Variants in STARD13 observed in about 807,000 individuals in gnomAD.
STARD13 encodes StAR related lipid transfer domain containing 13.
In STARD13, 62 loss-of-function variants were observed where a neutral mutation model predicts 106.4. The ratio of observed to expected loss-of-function variants is 0.58; its 90% CI spans 0.48 to 0.72. The LOEUF (loss-of-function observed/expected upper bound fraction) is 0.72. STARD13 is among the 30% of genes least tolerant of loss of function. STARD13 has a pLI of 0.00. For synonymous variants in STARD13, 565 were observed against 553.0 expected (o/e 1.02, Z -0.31); for missense variants, 1,387 against 1,424.0 (o/e 0.97, Z 0.42).
the STARD13 span, among the ~76,000 whole-genome samples, chr13:33,387,359 G>C: frequency 1.3e-5 from 2 of 152,090 alleles, no homozygotes; most frequent in East Asian, 3.9e-4. Flanking sequence ...TGACTAAAGT[G>C]GTTGTGCTTT....
the STARD13 span, among the ~76,000 whole-genome samples, chr13:33,584,627 G>A: frequency 6.6e-6 from 1 of 152,142 alleles, no homozygotes; most frequent in Non-Finnish European, 1.5e-5. Context: ...TGTCGAGCAT[G>A]TCTTTCTTTA....
At chr13:33,621,534 G>A in the STARD13 span, among the ~76,000 whole-genome samples, 2 of 151,560 alleles carry the variant, frequency 1.3e-5, no homozygotes, top group Non-Finnish European at 2.9e-5. Context: ...AAAGAAATTA[G>A]CCGGGTGTGG....
chr13:33,118,387 G>C (rs1875733768), intron 7 of STARD13, 124 bp from the exon 8 acceptor site: 2 of 767,580 alleles, frequency 2.6e-6, no homozygotes, highest in Admixed American at 1.9e-5. Context: ...TGAACTACTA[G>C]TATAGCTACT....
At chr13:33,456,532 G>C in the STARD13 span, among the ~76,000 whole-genome samples, 1 of 152,098 alleles carries the variant, frequency 6.6e-6, no homozygotes, top group Non-Finnish European at 1.5e-5. Flanking sequence ...GGAAGTCCAA[G>C]GTATCAGCAG....
At chr13:33,288,181 G>A (rs147823465), upstream of STARD13, among the ~76,000 whole-genome samples, 2 of 152,150 alleles carry the variant, frequency 1.3e-5, no homozygotes, top group African/African-American at 4.8e-5. Context: ...GGGGTGTCTG[G>A]TTCTGAAAAC....
At chr13:33,560,475 C>T in the STARD13 span, among the ~76,000 whole-genome samples, 1 of 150,894 alleles carries the variant, frequency 6.6e-6, no homozygotes, top group Non-Finnish European at 1.5e-5. Flanking sequence ...TCTAGGATGG[C>T]AAAATGACAT....
chr13:33,499,574 T>C, the STARD13 span, among the ~76,000 whole-genome samples: 2 of 68,778 alleles, frequency 2.9e-5, no homozygotes, highest in African/African-American at 1.1e-4. Context: ...CTTCTTCTTC[T>C]TCTTCTTCTT....
the STARD13 span, among the ~76,000 whole-genome samples, chr13:33,555,622 A>G: frequency 5.9e-5 from 9 of 152,274 alleles, no homozygotes; most frequent in Admixed American, 5.9e-4. Flanking sequence ...TTTTTGAGAG[A>G]ATGGATGGTG....
chr13:33,109,904 G>A lies in STARD13; in HGVS notation c.3016C>T (p.Pro1006Ser). 6.2e-7 allele frequency: 1 copy of A among 1,614,260 alleles called. No individual in the cohort carries two copies. The highest frequency in any genetic ancestry group is 2.2e-5 in the East Asian group (1 of 44,896). Residue 1006 changes from proline (P) to serine (S), a missense_variant, in exon 12 of 14, where the codon CCC becomes TCC. Coordinates refer to ENST00000336934, the MANE Select transcript of STARD13 (RefSeq NM_178006.4). The stretch of plus-strand genomic sequence containing the variant: ...ACCACAAAGTCTCTGGAAGGATGGG[G>A]AGCCATGCTGTTCAGCACATACTGG... ...IYQYVLNSMA[P>S]HPSRDFVVLR... is the part of the protein sequence containing the mutation.
At chr13:33,199,102 A>G (rs1471656215) in intron 1 of STARD13, among the ~76,000 whole-genome samples, 1 of 152,184 alleles carries the variant, frequency 6.6e-6, no homozygotes, top group Non-Finnish European at 1.5e-5. Flanking sequence ...GATCTTGAGC[A>G]TCTGTTTCCT....
At chr13:33,277,784 T>A (rs1290085740) in intron 1 of STARD13, 1 of 152,186 alleles carries the variant, frequency 6.6e-6, no homozygotes, top group Non-Finnish European at 1.5e-5. Context: ...GGAATGGTTG[T>A]ATTCTTGATG....
intron 7 of STARD13, among the ~76,000 whole-genome samples, chr13:33,119,209 G>A (rs927964890): frequency 2.0e-5 from 3 of 152,100 alleles, no homozygotes; most frequent in African/African-American, 7.2e-5. Flanking sequence ...AACTTTCCTG[G>A]GCACCCTGGC....
intron 3 of STARD13, 100 bp from the exon 4 acceptor site, chr13:33,142,473 G>T: frequency 1.9e-6 from 2 of 1,048,772 alleles, no homozygotes; most frequent in Non-Finnish European, 2.9e-6. Flanking sequence ...GAAACTGCAG[G>T]AACAACCAAT....
chr13:33,674,439 T>C, the STARD13 span, among the ~76,000 whole-genome samples: 3 of 152,258 alleles, frequency 2.0e-5, no homozygotes, highest in Non-Finnish European at 4.4e-5. Flanking sequence ...ATTCTTTAAA[T>C]GTGAGCTCTG....
At chr13:33,237,190 T>G (rs1165916751) in intron 1 of STARD13, among the ~76,000 whole-genome samples, 1 of 152,218 alleles carries the variant, frequency 6.6e-6, no homozygotes, top group Non-Finnish European at 1.5e-5. Context: ...CTCCTGGAAC[T>G]TCACTCTTGT....
At chr13:33,385,215 C>A in the STARD13 span, among the ~76,000 whole-genome samples, 1 of 25,660 alleles carries the variant, frequency 3.9e-5, no homozygotes, top group African/African-American at 1.1e-4. Context: ...AAGAAAGGTT[C>A]GGAATATATA....
chr13:33,490,943 C>T, the STARD13 span, among the ~76,000 whole-genome samples: 1 of 152,238 alleles, frequency 6.6e-6, no homozygotes, highest in African/African-American at 2.4e-5. Context: ...ACCTGCCCAT[C>T]TGCATGCTCC....
chr13:33,551,095 AAAC>A, the STARD13 span, among the ~76,000 whole-genome samples: 1 of 152,196 alleles, frequency 6.6e-6, no homozygotes, highest in Non-Finnish European at 1.5e-5. Context: ...AAGCAAAACA[AAAC>A]AACATAATGA....
chr13:33,460,186 A>C, the STARD13 span, among the ~76,000 whole-genome samples: 1 of 151,972 alleles, frequency 6.6e-6, no homozygotes, highest in African/African-American at 2.4e-5. Context: ...GATGAAGGTC[A>C]ATGGTAAAAA....
Sources: allele counts gnomAD v4.1 joint callset (sites outside exome capture counted in the v4.1 genomes callset), GRCh38; gene constraint gnomAD v4.1.1; transcripts MANE v1.5; gene names NCBI Gene and HGNC (gene_info 2026-07-23, HGNC 2026-07-21).